GRID2: variants seen among roughly 807,000 people sequenced by gnomAD.
GRID2 encodes the protein glutamate receptor ionotropic, delta-2.
GRID2 carries 33 observed loss-of-function variants against 114.8 expected under a neutral mutation model. That is an observed-to-expected ratio of 0.29 (90% CI 0.22 to 0.38). GRID2 has a LOEUF of 0.38. GRID2 is among the 10% of genes least tolerant of loss of function. GRID2 has a pLI of 1.00. For synonymous variants in GRID2, 505 were observed against 449.9 expected (o/e 1.12, Z -1.55); for missense variants, 1,184 against 1,257.7 (o/e 0.94, Z 0.89).
chr4:93,008,701 A>G (rs1219274304), intron 2 of GRID2, among the ~76,000 whole-genome samples: 1 of 152,120 alleles, frequency 6.6e-6, no homozygotes. Context: ...ACAATGTGGT[A>G]TATATCAATT....
At chr4:92,905,186 G>A (rs1029228314) in intron 2 of GRID2, among the ~76,000 whole-genome samples, 10 of 151,822 alleles carry the variant, frequency 6.6e-5, no homozygotes, top group African/African-American at 2.4e-4. Flanking sequence ...TATATTAGAT[G>A]GTAAAGTGGA....
chr4:93,205,915 T>G (rs1353889945), intron 4 of GRID2, among the ~76,000 whole-genome samples: 1 of 152,176 alleles, frequency 6.6e-6, no homozygotes, highest in Non-Finnish European at 1.5e-5. Flanking sequence ...CCAGTGATGA[T>G]GAGCATTTGT....
intron 13 of GRID2, among the ~76,000 whole-genome samples, chr4:93,590,393 T>A (rs1738099325): frequency 1.3e-5 from 2 of 149,632 alleles, no homozygotes; most frequent in Non-Finnish European, 3.0e-5. Context: ...CTGAGGGCTC[T>A]GTTCTGTTCC....
In GRID2 at chr4:93,687,314, ATAT is replaced by A. The variant is rs1457174843; in HGVS notation, c.2360+60882_2360+60884del. ...AATTATTGGTAGTTCAGTTTGGGGCATATTAAGTTTGAGATGTCTATTGGACAT... is the reference window on the plus strand; with the variant it reads ...AATTATTGGTAGTTCAGTTTGGGGCATAAGTTTGAGATGTCTATTGGACAT... On this transcript the variant is annotated intron_variant, in intron 14 of 15. Transcript: ENST00000282020. Among the ~76,000 whole-genome samples, 18 of 152,146 alleles carry A rather than the reference ATAT, an allele frequency of 1.2e-4. 1 individual carries two copies. The highest frequency in any genetic ancestry group is 1.2e-3 in the Admixed American group (18 of 15,256).
chr4:92,636,296 A>T (rs1249720082), intron 2 of GRID2, among the ~76,000 whole-genome samples: 4 of 151,288 alleles, frequency 2.6e-5, no homozygotes, highest in Non-Finnish European at 5.9e-5. Flanking sequence ...ATAGTATAGA[A>T]GCCTTTTTGG....
chr4:93,108,993 A>G (rs1033065220), intron 3 of GRID2, among the ~76,000 whole-genome samples: 2 of 152,116 alleles, frequency 1.3e-5, no homozygotes, highest in African/African-American at 2.4e-5. Context: ...ATTTTTGATA[A>G]GTTTCTCAGA....
intron 2 of GRID2, among the ~76,000 whole-genome samples, chr4:92,755,062 G>A (rs900139894): frequency 6.6e-6 from 1 of 152,144 alleles, no homozygotes; most frequent in Non-Finnish European, 1.5e-5. Context: ...GTGACAGGAG[G>A]CTGTGTCTAA....
At chr4:92,865,112 G>C (rs751724840) in intron 2 of GRID2, among the ~76,000 whole-genome samples, 1 of 152,128 alleles carries the variant, frequency 6.6e-6, no homozygotes, top group Non-Finnish European at 1.5e-5. Context: ...GAGGTTTGAG[G>C]TTCCCTGACA....
intron 1 of GRID2, among the ~76,000 whole-genome samples, chr4:92,308,899 C>T (rs982033714): frequency 8.6e-5 from 13 of 151,944 alleles, no homozygotes; most frequent in Admixed American, 3.9e-4. Flanking sequence ...ACTGTGTAAA[C>T]GTCTAGAATG....
intron 2 of GRID2, among the ~76,000 whole-genome samples, chr4:92,695,147 G>A (rs1350845857): frequency 6.6e-6 from 1 of 151,786 alleles, no homozygotes; most frequent in Non-Finnish European, 1.5e-5. Flanking sequence ...TTATATTTTT[G>A]TAGAGACAGG....
rs147855809 is a variant in GRID2, at chr4:92,810,718, T to C, written c.244+220432T>C. Among the ~76,000 whole-genome samples, 186 of 152,228 alleles carry C rather than the reference T, an allele frequency of 1.2e-3. 1 individual carries two copies. The highest frequency in any genetic ancestry group is 4.2e-3 in the African/African-American group (175 of 41,570). On this transcript the variant is annotated intron_variant, in intron 2 of 15. Transcript: ENST00000282020. The stretch of plus-strand genomic sequence containing the variant: ...AGCTTATATAACTACTTTTGTAAAA[T>C]ACATTTCTCTTTAGCAGGAATCAAG...
intron 1 of GRID2, among the ~76,000 whole-genome samples, chr4:92,511,447 A>C (rs1724245467): frequency 6.6e-6 from 1 of 151,952 alleles, no homozygotes; most frequent in Middle Eastern, 3.4e-3. Flanking sequence ...AAACATCCAA[A>C]TCATATTATC....
chr4:92,901,956 G>T (rs942846953), intron 2 of GRID2, among the ~76,000 whole-genome samples: 11 of 152,042 alleles, frequency 7.2e-5, no homozygotes, highest in Middle Eastern at 6.8e-3. Flanking sequence ...TCAGTTCTTT[G>T]TATGTTTGGT....
At chr4:92,465,049 A>G (rs1294528341) in intron 1 of GRID2, among the ~76,000 whole-genome samples, 2 of 152,066 alleles carry the variant, frequency 1.3e-5, no homozygotes, top group Non-Finnish European at 1.5e-5. Context: ...CTTCCACCAT[A>G]ACTGAAAGTT....
At chr4:93,305,499 G>C (rs1009841507) in intron 8 of GRID2, among the ~76,000 whole-genome samples, 4 of 152,148 alleles carry the variant, frequency 2.6e-5, no homozygotes, top group Non-Finnish European at 5.9e-5. Flanking sequence ...AGTAAGGATA[G>C]TTTTAGGAGG....
chr4:92,762,849 C>T (rs1363081257), intron 2 of GRID2, among the ~76,000 whole-genome samples: 1 of 152,196 alleles, frequency 6.6e-6, no homozygotes, highest in Non-Finnish European at 1.5e-5. Context: ...GGATTCTTTC[C>T]AGTCTCCAGG....
intron 1 of GRID2, among the ~76,000 whole-genome samples, chr4:92,376,415 A>T (rs187586415): frequency 2.0e-4 from 31 of 152,306 alleles, no homozygotes; most frequent in African/African-American, 7.5e-4. Context: ...GCTCTGTCCC[A>T]TGGCTTTGCA....
At chr4:93,808,297 C>A (rs1357062525) in exon 2 of GRID2, 1 of 152,132 alleles carries the variant, frequency 6.6e-6, no homozygotes, top group Non-Finnish European at 1.5e-5. Flanking sequence ...GGGCAAATCA[C>A]CTACTTTCTG....
chr4:92,392,483 G>A lies in GRID2; in HGVS notation c.88+87739G>A, dbSNP rs1027386125. 5.9e-5 allele frequency among the ~76,000 whole-genome samples: 9 copies of A among 152,198 alleles called. 1 individual carries two copies. Among genetic ancestry groups the A allele is most frequent in the Middle Eastern group, 3.4e-3 (1 of 294 alleles). ...GAACCCGGGAGGCGGAGATTGCAAT[G>A]AGCCGGGATGGCACCACTGCACTCC... On this transcript the variant is annotated intron_variant, in intron 1 of 15. Coordinates refer to ENST00000282020, the MANE Select transcript of GRID2 (RefSeq NM_001510.4).
Sources: gnomAD v4.1 joint callset for allele counts (sites outside exome capture counted in the v4.1 genomes callset) on GRCh38, gnomAD v4.1.1 for gene constraint, MANE v1.5 for transcripts, NCBI Gene and HGNC (gene_info 2026-07-23, HGNC 2026-07-21) for gene names.